EML6: variants seen among roughly 807,000 people sequenced by gnomAD.
EML6 encodes the protein echinoderm microtubule-associated protein-like 6.
A neutral mutation model predicts 240.1 loss-of-function variants in EML6; 154 were observed. That is an observed-to-expected ratio of 0.64 (90% CI 0.56 to 0.73). The LOEUF (loss-of-function observed/expected upper bound fraction) is 0.73, where lower values mean the gene tolerates loss of function less well. Among genes scored for constraint, EML6 ranks in the 30% least tolerant of loss-of-function variants. The pLI, the probability that EML6 is intolerant of heterozygous loss-of-function variation, is 0.00. For synonymous variants in EML6, 1,148 were observed against 899.0 expected (o/e 1.28, Z -4.95); for missense variants, 2,964 against 2,474.6 (o/e 1.20, Z -4.20).
Position 54,894,970 on chromosome 2 carries a change from A to T in EML6, c.2798A>T (p.Glu933Val). ...GTGGAGCTCTGGGATGATATGTTTG[A>T]AAGATGTTTGAAGACTTATGCCATT... ...GIVELWDDMFERCLKTYAIKR... is the reference protein window; with the variant it reads ...GIVELWDDMFVRCLKTYAIKR... The change falls in exon 20 of 42, where the codon GAA becomes GTA. Residue 933 changes from glutamate to valine, a missense_variant. Glu to Val is a moderately radical substitution (Grantham distance 121). Coordinates refer to ENST00000356458, the MANE Select transcript of EML6 (RefSeq NM_001039753.4). The T allele has an allele frequency of 6.4e-7, 1 of 1,551,512 alleles. No individual in the cohort carries two copies. Among genetic ancestry groups the T allele is most frequent in the Non-Finnish European group, 8.7e-7 (1 of 1,146,812 alleles).
rs188913938 is a variant in EML6, at chr2:54,912,851, A to G, written c.3498+1809A>G. Among the ~76,000 whole-genome samples the G allele has an allele frequency of 4.2e-3, 643 of 152,332 alleles. 2 individuals are homozygous for G. Among genetic ancestry groups the G allele is most frequent in the Middle Eastern group, 0.02 (6 of 294 alleles). Reference sequence around the variant, plus strand: ...TGATTCCATAGCTTTGCTATTGTGAATAGTGCTGCAATGAATATATGAGTA... The same window carrying G: ...TGATTCCATAGCTTTGCTATTGTGAGTAGTGCTGCAATGAATATATGAGTA... On this transcript the variant is annotated intron_variant, in intron 25 of 41. Coordinates refer to ENST00000356458, the MANE Select transcript of EML6 (RefSeq NM_001039753.4).
chr2:54,806,036 A>G (rs941917300), intron 2 of EML6, among the ~76,000 whole-genome samples: 1 of 152,090 alleles, frequency 6.6e-6, no homozygotes, highest in African/African-American at 2.4e-5. Flanking sequence ...ATTCTGTCTT[A>G]ATTCCTTTTA....
At chr2:54,948,348 C>A (rs1439262972) in intron 28 of EML6, among the ~76,000 whole-genome samples, 1 of 152,070 alleles carries the variant, frequency 6.6e-6, no homozygotes, top group Admixed American at 6.5e-5. Flanking sequence ...TTCCTGCCTG[C>A]CTGTCTGAGA....
intron 5 of EML6, among the ~76,000 whole-genome samples, chr2:54,823,115 C>T (rs1002945766): frequency 1.2e-4 from 18 of 152,126 alleles, no homozygotes; most frequent in African/African-American, 2.9e-4. Flanking sequence ...GAAAAACAGA[C>T]GCCACTTTCA....
intron 17 of EML6, among the ~76,000 whole-genome samples, chr2:54,890,409 T>C (rs1672402779): frequency 6.6e-6 from 1 of 152,190 alleles, no homozygotes; most frequent in Admixed American, 6.5e-5. Flanking sequence ...TGCTGTGAGA[T>C]GCCAAGTCTA....
At chr2:54,829,602 G>A (rs1265236999) in intron 7 of EML6, 125 bp downstream of exon 7, 2 of 654,276 alleles carry the variant, frequency 3.1e-6, no homozygotes, top group Non-Finnish European at 4.8e-6. Flanking sequence ...TTGAATACAA[G>A]CAAAAGTATG....
intron 2 of EML6, among the ~76,000 whole-genome samples, chr2:54,763,080 T>C (rs918891807): frequency 1.3e-5 from 2 of 152,230 alleles, no homozygotes; most frequent in African/African-American, 4.8e-5. Flanking sequence ...TTTTCTTCCA[T>C]AGTGAGAAGT....
intron 24 of EML6, among the ~76,000 whole-genome samples, chr2:54,907,523 A>G (rs1673388602): frequency 2.6e-5 from 4 of 152,154 alleles, no homozygotes. Context: ...TAATAATAAA[A>G]ATGACAATTT....
chr2:54,935,571 A>T (rs1219639284), intron 28 of EML6, among the ~76,000 whole-genome samples: 1 of 152,246 alleles, frequency 6.6e-6, no homozygotes, highest in Non-Finnish European at 1.5e-5. Flanking sequence ...AAGTGAAACA[A>T]TTTTGATGAG....
intron 26 of EML6, among the ~76,000 whole-genome samples, chr2:54,926,536 T>A (rs779342151): frequency 3.3e-5 from 5 of 152,266 alleles, no homozygotes; most frequent in Non-Finnish European, 5.9e-5. Flanking sequence ...TTCATCCCAA[T>A]GGCTGTGCCA....
rs988997904 is a variant in EML6 at position 54,875,660 on chromosome 2, G to A, written c.2345-3887G>A. ...CATTTTTAGTCAAAAACATTTCTTGGGCAAAATCTGTAACTGGGCTACAAG... is the reference window on the plus strand; with the variant it reads ...CATTTTTAGTCAAAAACATTTCTTGAGCAAAATCTGTAACTGGGCTACAAG... On this transcript the variant is annotated intron_variant, in intron 16 of 41. Coordinates refer to ENST00000356458, the MANE Select transcript of EML6 (RefSeq NM_001039753.4). Among the ~76,000 whole-genome samples the A allele has an allele frequency of 3.9e-5, 6 of 152,172 alleles. No homozygotes were observed. The East Asian group carries it at 7.7e-4, about 20-fold the overall frequency.
intron 2 of EML6, among the ~76,000 whole-genome samples, chr2:54,729,378 T>G (rs1017872710): frequency 6.6e-6 from 1 of 152,220 alleles, no homozygotes; most frequent in Non-Finnish European, 1.5e-5. Context: ...TTCATTCTGT[T>G]TTCATTTGTA....
intron 28 of EML6, among the ~76,000 whole-genome samples, chr2:54,930,384 TAGG>T (rs1674788845): frequency 6.6e-6 from 1 of 152,156 alleles, no homozygotes; most frequent in Non-Finnish European, 1.5e-5. Flanking sequence ...TAATGAAAGG[TAGG>T]AGGACTGATG....
intron 2 of EML6, among the ~76,000 whole-genome samples, chr2:54,786,459 C>T (rs1669094973): frequency 6.6e-6 from 1 of 152,188 alleles, no homozygotes. Context: ...GAGAACAGTG[C>T]TCAGCCACAG....
chr2:54,776,115 C>A (rs1343092918), intron 2 of EML6, among the ~76,000 whole-genome samples: 2 of 152,040 alleles, frequency 1.3e-5, no homozygotes, highest in Non-Finnish European at 2.9e-5. Flanking sequence ...GTTCAACCTG[C>A]CTTATTTTGT....
At position 54,863,820 on chromosome 2, in the gene EML6, A is replaced by C. The variant is rs764861551; in HGVS notation, c.1863A>C (p.Ser621=). The part of the protein sequence containing the change: ...GADSYSEESD[S]DLSDVPELDS... ...ATTCCTACAGTGAAGAATCTGATTC[A>C]GATTTATCTGATGTGCCCGAACTGG... The change falls in exon 13 of 42, where the codon TCA becomes TCC. Residue 621 remains serine, a synonymous_variant. Transcript: ENST00000356458. 1.9e-6 allele frequency: 3 copies of C among 1,549,608 alleles called. No homozygotes were observed. The highest frequency in any genetic ancestry group is 2.0e-5 in the Admixed American group (1 of 50,730).
At chr2:54,868,595 T>C (rs1182701096) in intron 14 of EML6, 2 of 152,246 alleles carry the variant, frequency 1.3e-5, no homozygotes, top group Admixed American at 6.5e-5. Flanking sequence ...GATTTTGATA[T>C]ATCACAAAAA....
At chr2:54,851,905 AAC>A (rs1466727734) in intron 10 of EML6, among the ~76,000 whole-genome samples, 1 of 152,224 alleles carries the variant, frequency 6.6e-6, no homozygotes, top group African/African-American at 2.4e-5. Flanking sequence ...CTCCCATCGT[AAC>A]ACAGATATCC....
chr2:54,861,254 C>G (rs953058632), intron 12 of EML6, among the ~76,000 whole-genome samples: 1 of 152,178 alleles, frequency 6.6e-6, no homozygotes, highest in African/African-American at 2.4e-5. Context: ...TGGTCATACA[C>G]CAAGTGCCAC....
Sources: gnomAD v4.1 joint callset for allele counts (sites outside exome capture counted in the v4.1 genomes callset) on GRCh38, gnomAD v4.1.1 for gene constraint, MANE v1.5 for transcripts, NCBI Gene and HGNC (gene_info 2026-07-23, HGNC 2026-07-21) for gene names.